The following TADA2A variants were observed in gnomAD, a reference collection of about 807,000 sequenced individuals.
TADA2A encodes the protein transcriptional adaptor 2A, also known as transcriptional adapter 2-alpha.
Under a neutral mutation model 67.4 loss-of-function variants are expected in TADA2A, and 38 were observed. That is an observed-to-expected ratio of 0.56 (90% CI 0.44 to 0.74). The LOEUF is 0.74. TADA2A is among the 30% of genes least tolerant of loss of function. The pLI, the probability that TADA2A is intolerant of heterozygous loss-of-function variation, is 0.00. For missense variants in TADA2A, 454 were observed against 547.0 expected (o/e 0.83, Z 1.70); for synonymous variants, 192 against 181.6 (o/e 1.06, Z -0.46).
intron 8 of TADA2A, among the ~76,000 whole-genome samples, chr17:37,445,054 A>T (rs576061675): frequency 6.6e-5 from 10 of 152,296 alleles, no homozygotes; most frequent in South Asian, 4.1e-4. Context: ...TAATTGGTTA[A>T]ATGGCCCTCA....
chr17:37,470,303 TTAAGA>T, intron 12 of TADA2A, 92 bp from the exon 13 acceptor site: 1 of 1,485,142 alleles, frequency 6.7e-7, no homozygotes, highest in East Asian at 2.4e-5. Context: ...GAAACAGACT[TTAAGA>T]ACAAAACCCA....
chr17:37,459,712 C>CCTCCCACCTAA (rs2053499349), intron 9 of TADA2A, among the ~76,000 whole-genome samples: 2 of 151,936 alleles, frequency 1.3e-5, no homozygotes, highest in Non-Finnish European at 2.9e-5. Context: ...CCCACCTCAG[C>CCTCCCACCTAA]CTCCCAAGTA....
chr17:37,473,579 T>C (rs1012712647), intron 14 of TADA2A, among the ~76,000 whole-genome samples: 24 of 152,344 alleles, frequency 1.6e-4, no homozygotes, highest in African/African-American at 4.8e-4. Flanking sequence ...AAGCAACCTC[T>C]ATAAAACTTC....
chr17:37,413,439 C>T (rs2051940031), intron 2 of TADA2A, among the ~76,000 whole-genome samples: 1 of 152,184 alleles, frequency 6.6e-6, no homozygotes, highest in African/African-American at 2.4e-5. Flanking sequence ...AATAAGAATA[C>T]AAACAATACC....
chr17:37,478,854 A>G lies in TADA2A; in HGVS notation c.*1872A>G, dbSNP rs1174462636. On this transcript the variant is annotated 3_prime_UTR_variant, in exon 16 of 16. Transcript: ENST00000615182. ...GGATAAGAAATGAAAAAGACACTCT[A>G]AGGACCTGAGGGAATTCAAATAGAG... 1 of 152,230 alleles carries G rather than the reference A, an allele frequency of 6.6e-6. No individual in the cohort carries two copies. 9.4% of individuals were successfully genotyped at this position (152,230 alleles called of 1,614,324 possible). A position where few individuals can be genotyped will look rare whatever the true frequency, so the allele number is the denominator to read the frequency against.
chr17:37,437,333 C>T (rs984166868), intron 4 of TADA2A, among the ~76,000 whole-genome samples: 5 of 151,476 alleles, frequency 3.3e-5, no homozygotes, highest in Admixed American at 2.0e-4. Context: ...CCTCGTGATC[C>T]GCCCTCCTCG....
chr17:37,475,271 A>G (rs1167073186), intron 15 of TADA2A, among the ~76,000 whole-genome samples: 1 of 151,776 alleles, frequency 6.6e-6, no homozygotes, highest in Non-Finnish European at 1.5e-5. Context: ...TCCCAGGTTC[A>G]AGCGATTCTT....
At chr17:37,443,901 T>C (rs2052997099) in intron 7 of TADA2A, among the ~76,000 whole-genome samples, 1 of 152,154 alleles carries the variant, frequency 6.6e-6, no homozygotes, top group Non-Finnish European at 1.5e-5. Flanking sequence ...GACATGTGAA[T>C]GTAGCCACAA....
In TADA2A at chr17:37,411,555, T is replaced by C. The variant is rs554898263; in HGVS notation, c.25+165T>C. On this transcript the variant is annotated intron_variant, in intron 2 of 15. Coordinates refer to ENST00000615182, the MANE Select transcript of TADA2A (RefSeq NM_001166105.3). ...CTCCTGCCTCAGCCGCCTGAGTAGC[T>C]AGGACTACAGGCGCGCACCACCACA... Among the ~76,000 whole-genome samples, 3 of 152,242 alleles carry C rather than the reference T, an allele frequency of 2.0e-5. No individual in the cohort carries two copies. In the East Asian group the frequency reaches 5.8e-4, roughly 29 times the overall value.
rs61231107 is a variant in TADA2A, at chr17:37,475,328, C to T, written c.1146+699C>T. On this transcript the variant is annotated intron_variant, in intron 15 of 15. Transcript: ENST00000615182. ...CTGGGACTGGACTATAGGCGCTTGC[C>T]ACCATGCCTGGCTAATTTTTGTAGT... is the stretch of plus-strand genomic sequence containing the variant. 7.0e-3 allele frequency among the ~76,000 whole-genome samples: 1,060 copies of T among 152,026 alleles called. 5 individuals carry two copies. Among genetic ancestry groups the T allele is most frequent in the African/African-American group, 0.024 (991 of 41,478 alleles).
At chr17:37,412,598 A>G (rs546184261) in intron 2 of TADA2A, among the ~76,000 whole-genome samples, 2 of 152,242 alleles carry the variant, frequency 1.3e-5, no homozygotes, top group African/African-American at 4.8e-5. Flanking sequence ...AGCCTGGCCA[A>G]CAAGGCAAAA....
At chr17:37,421,058 T>C (rs1373838143) in intron 2 of TADA2A, among the ~76,000 whole-genome samples, 1 of 146,688 alleles carries the variant, frequency 6.8e-6, no homozygotes, top group African/African-American at 2.5e-5. Flanking sequence ...TGCTGTGTTA[T>C]GTACTTACCA....
chr17:37,437,933 C>T, intron 5 of TADA2A, 104 bp downstream of exon 5: 1 of 1,089,152 alleles, frequency 9.2e-7, no homozygotes, highest in East Asian at 2.4e-5. Flanking sequence ...GTATGTGTTG[C>T]TTTCCTATCA....
At chr17:37,466,302 C>G (rs1032876437) in intron 11 of TADA2A, among the ~76,000 whole-genome samples, 3 of 152,140 alleles carry the variant, frequency 2.0e-5, no homozygotes, top group Non-Finnish European at 4.4e-5. Context: ...CACCTGTAGT[C>G]TCAGCTACTT....
At chr17:37,423,856 T>C (rs1723758391) in intron 3 of TADA2A, among the ~76,000 whole-genome samples, 1 of 151,652 alleles carries the variant, frequency 6.6e-6, no homozygotes, top group Non-Finnish European at 1.5e-5. Context: ...TTCAAGCGAT[T>C]CTCCTGCCTC....
intron 1 of TADA2A, 80 bp from the exon 2 acceptor site, chr17:37,411,189 T>TG (rs1264382240): frequency 1.6e-6 from 1 of 638,610 alleles, no homozygotes; most frequent in African/African-American, 1.8e-5. Context: ...GTGGCAGAGC[T>TG]GAGTATGTTG....
At chr17:37,440,755 C>T in intron 6 of TADA2A, 93 bp downstream of exon 6, 1 of 1,438,060 alleles carries the variant, frequency 7.0e-7, no homozygotes, top group Non-Finnish European at 9.5e-7. Flanking sequence ...ACTTGGACAG[C>T]TAATGATATC....
intron 1 of TADA2A, among the ~76,000 whole-genome samples, chr17:37,410,599 A>G (rs1186476539): frequency 6.6e-6 from 1 of 152,160 alleles, no homozygotes. Context: ...AAAGTTTATT[A>G]AAGAGAGAGA....
chr17:37,465,376 A>C, intron 10 of TADA2A, 55 bp from the exon 11 acceptor site: 1 of 1,404,640 alleles, frequency 7.1e-7, no homozygotes, highest in South Asian at 1.3e-5. Flanking sequence ...AAATGCTGAA[A>C]ACTCAGGGAT....
Sources: allele counts gnomAD v4.1 joint callset (sites outside exome capture counted in the v4.1 genomes callset), GRCh38; gene constraint gnomAD v4.1.1; transcripts MANE v1.5; gene names NCBI Gene and HGNC (gene_info 2026-07-23, HGNC 2026-07-21).